IDO2: variants seen among roughly 807,000 people sequenced by gnomAD.
IDO2 encodes the protein indoleamine 2,3-dioxygenase 2, also known as indoleamine 2,3-dioxygenase-like 1 protein.
A neutral mutation model predicts 45.1 loss-of-function variants in IDO2; 46 were observed. The ratio of observed to expected loss-of-function variants is 1.02; its 90% CI spans 0.80 to 1.30. IDO2 has a LOEUF of 1.30. IDO2 is among the 50% of genes most tolerant of loss of function. The pLI is 0.00. For missense variants in IDO2, 544 were observed against 491.8 expected (o/e 1.11, Z -1.00); for synonymous variants, 218 against 184.9 (o/e 1.18, Z -1.45).
At chr8:40,001,848 TTGA>T (rs1389625270) in intron 8 of IDO2, among the ~76,000 whole-genome samples, 1 of 151,990 alleles carries the variant, frequency 6.6e-6, no homozygotes, top group African/African-American at 2.4e-5. Flanking sequence ...GTGCAGTGGG[TTGA>T]TCTCAGCTCA....
intron 8 of IDO2, among the ~76,000 whole-genome samples, chr8:40,004,560 T>TAGATAGATAGAC (rs1802189652): frequency 6.6e-6 from 1 of 151,620 alleles, no homozygotes; most frequent in African/African-American, 2.4e-5. Flanking sequence ...GATAGATAGA[T>TAGATAGATAGAC]AGATAGACGA....
intron 2 of IDO2, 131 bp downstream of exon 2, chr8:39,949,395 C>T (rs1233916831): frequency 6.2e-6 from 4 of 644,818 alleles, no homozygotes; most frequent in Non-Finnish European, 1.0e-5. Flanking sequence ...GAGAAAGATG[C>T]TACAAAGAGC....
In IDO2 at chr8:40,015,217, T is replaced by C. The variant is rs1802369236; in HGVS notation, c.869-30T>C. 4.8e-6 allele frequency: 6 copies of C among 1,238,668 alleles called. No homozygotes were observed. The East Asian group carries it at 1.4e-4, about 29-fold the overall frequency. 76.7% of individuals were successfully genotyped at this position (1,238,668 alleles called of 1,614,324 possible). A position where few individuals can be genotyped will look rare whatever the true frequency, so the allele number is the denominator to read the frequency against. On this transcript the variant is annotated intron_variant, in intron 10 of 10. Transcript: ENST00000502986. Reference sequence around the variant, plus strand: ...GCTCTGCTATATTTCCATGTGGAGCTATGACGTTATGCTGTATTGTTTCTT... The same window carrying C: ...GCTCTGCTATATTTCCATGTGGAGCCATGACGTTATGCTGTATTGTTTCTT...
intron 8 of IDO2, among the ~76,000 whole-genome samples, chr8:39,996,766 G>GA (rs1262778695): frequency 1.3e-5 from 2 of 151,998 alleles, no homozygotes; most frequent in African/African-American, 4.8e-5. Flanking sequence ...GACACGGTTT[G>GA]AAAAAAATCA....
intron 3 of IDO2, among the ~76,000 whole-genome samples, chr8:39,975,987 C>T (rs1432643761): frequency 6.6e-6 from 1 of 151,776 alleles, no homozygotes; most frequent in African/African-American, 2.4e-5. Flanking sequence ...ACTAAATAAC[C>T]AATATATTTT....
chr8:40,000,632 C>T (rs1802121297), intron 8 of IDO2, among the ~76,000 whole-genome samples: 1 of 85,896 alleles, frequency 1.2e-5, no homozygotes, highest in South Asian at 4.3e-4. Flanking sequence ...TTATTCTGCA[C>T]TTATTTCTGT....
chr8:39,987,724 G>A, intron 6 of IDO2, 147 bp from the exon 7 acceptor site: 1 of 576,524 alleles, frequency 1.7e-6, no homozygotes. Flanking sequence ...GAAGGTAGAT[G>A]CCCATCCTCA....
At chr8:39,952,237 A>G (rs1807824583) in intron 2 of IDO2, among the ~76,000 whole-genome samples, 1 of 152,150 alleles carries the variant, frequency 6.6e-6, no homozygotes, top group Non-Finnish European at 1.5e-5. Flanking sequence ...AGAGAATCAC[A>G]ATTGGCTGCC....
chr8:39,962,406 C>T (rs955153616), intron 2 of IDO2, among the ~76,000 whole-genome samples: 1 of 152,130 alleles, frequency 6.6e-6, no homozygotes, highest in Admixed American at 6.6e-5. Context: ...ATTTATCTTC[C>T]TAAAATTCAA....
intron 2 of IDO2, among the ~76,000 whole-genome samples, chr8:39,956,412 C>T (rs902351512): frequency 2.0e-5 from 3 of 152,120 alleles, no homozygotes; most frequent in African/African-American, 4.8e-5. Context: ...ATCATCTATC[C>T]GTTGATATAG....
Position 39,939,242 on chromosome 8 carries a change from CAAAAAAA to C in IDO2, c.-18+4038_-18+4044del, listed in dbSNP as rs57921420. ...TGGGCGACAGAGCAAGACTCCATCT[CAAAAAAA>C]AAAAAAAAAAAAAGAGGCCAGGAGT... On this transcript the variant is annotated intron_variant, in intron 1 of 10. Coordinates refer to ENST00000502986, the Ensembl canonical transcript of IDO2. Among the ~76,000 whole-genome samples the C allele has an allele frequency of 2.2e-3, 264 of 117,612 alleles. 1 individual carries two copies. Among genetic ancestry groups the C allele is most frequent in the Admixed American group, 3.6e-3 (39 of 10,934 alleles). The allele number at this position is 117,612 out of a possible 152,430, so 77.2% of individuals were successfully genotyped here.
chr8:40,014,551 C>T (rs180743065), intron 10 of IDO2, among the ~76,000 whole-genome samples: 19 of 152,284 alleles, frequency 1.2e-4, no homozygotes, highest in Non-Finnish European at 2.2e-4. Flanking sequence ...ACTGAGAAAA[C>T]AAAATTCACC....
At chr8:40,000,886 C>A (rs561176988) in intron 8 of IDO2, among the ~76,000 whole-genome samples, 23 of 152,318 alleles carry the variant, frequency 1.5e-4, no homozygotes, top group East Asian at 5.8e-4. Flanking sequence ...TTCATTAATT[C>A]ATTCATTCAG....
chr8:39,991,904 G>A (rs1251748276), intron 8 of IDO2, among the ~76,000 whole-genome samples: 1 of 152,222 alleles, frequency 6.6e-6, no homozygotes, highest in Non-Finnish European at 1.5e-5. Flanking sequence ...CCAACCTGCT[G>A]TGTTCTCCTG....
chr8:39,995,759 G>A (rs1170901196), intron 8 of IDO2, among the ~76,000 whole-genome samples: 1 of 152,068 alleles, frequency 6.6e-6, no homozygotes, highest in Non-Finnish European at 1.5e-5. Flanking sequence ...TTATAACCTA[G>A]GAAAAACCAG....
chr8:39,953,315 T>C (rs1448559870), intron 2 of IDO2, among the ~76,000 whole-genome samples: 3 of 152,196 alleles, frequency 2.0e-5, no homozygotes, highest in Non-Finnish European at 4.4e-5. Flanking sequence ...TCCGGCTATA[T>C]AGCAAAAGTA....
Position 39,940,566 on chromosome 8 carries a change from A to C in IDO2, c.-18+5348A>C, listed in dbSNP as rs62512645. 3.9e-5 allele frequency among the ~76,000 whole-genome samples: 6 copies of C among 152,198 alleles called. No homozygotes were observed. The East Asian group carries it at 7.7e-4, about 20-fold the overall frequency. On this transcript the variant is annotated intron_variant, in intron 1 of 10. Coordinates refer to ENST00000502986, the Ensembl canonical transcript of IDO2. The stretch of plus-strand genomic sequence containing the variant: ...TAGCAGTTGAGATGTATCTTAAAAG[A>C]TAAGTGGGGTTCCTGTTGGAAACAT...
chr8:39,985,725 A>C, intron 6 of IDO2: 1 of 553,904 alleles, frequency 1.8e-6, no homozygotes, highest in Non-Finnish European at 3.2e-6. Flanking sequence ...TTGTATAGAT[A>C]AGGGATTTTT....
intron 8 of IDO2, among the ~76,000 whole-genome samples, chr8:40,002,639 A>G (rs1802156459): frequency 6.6e-6 from 1 of 152,112 alleles, no homozygotes; most frequent in Non-Finnish European, 1.5e-5. Flanking sequence ...TACAAAAATT[A>G]GCTGGACGTT....
Sources: gnomAD v4.1 joint callset for allele counts (sites outside exome capture counted in the v4.1 genomes callset) on GRCh38, gnomAD v4.1.1 for gene constraint, MANE v1.5 for transcripts, NCBI Gene and HGNC (gene_info 2026-07-23, HGNC 2026-07-21) for gene names.